Variants in GRM8 observed in about 807,000 individuals in gnomAD.
GRM8 encodes metabotropic glutamate receptor 8.
In GRM8, 47 loss-of-function variants were observed where a neutral mutation model predicts 87.2. That is an observed-to-expected ratio of 0.54 (90% CI 0.43 to 0.69). The LOEUF (loss-of-function observed/expected upper bound fraction) is 0.69. GRM8 is among the 30% of genes least tolerant of loss of function. GRM8 has a pLI of 0.00. For missense variants in GRM8, 1,019 were observed against 1,139.2 expected (o/e 0.89, Z 1.52); for synonymous variants, 396 against 404.5 (o/e 0.98, Z 0.25).
chr7:127,097,469 T>C (rs1187309942), intron 3 of GRM8, among the ~76,000 whole-genome samples: 1 of 152,180 alleles, frequency 6.6e-6, no homozygotes, highest in East Asian at 1.9e-4. Context: ...CTTAGCCACA[T>C]ATAGTTAAGA....
At position 126,460,363 on chromosome 7, in the gene GRM8, G is replaced by T. The variant is rs1159988701; in HGVS notation, c.2431-13991C>A. Among the ~76,000 whole-genome samples, 3 of 151,710 alleles carry T rather than the reference G, an allele frequency of 2.0e-5. No individual in the cohort carries two copies. The East Asian group carries it at 5.9e-4, about 30-fold the overall frequency. Reference sequence around the variant, plus strand: ...CACAAATTGGCACTAAGAGCCCCATGTTGAAGATTCAATTATTTGTGGTAA... The same window carrying T: ...CACAAATTGGCACTAAGAGCCCCATTTTGAAGATTCAATTATTTGTGGTAA... On this transcript the variant is annotated intron_variant, in intron 9 of 10. Coordinates refer to ENST00000339582, the MANE Select transcript of GRM8 (RefSeq NM_000845.3).
At chr7:126,701,097 G>A (rs115666254) in intron 7 of GRM8, among the ~76,000 whole-genome samples, 121 of 151,966 alleles carry the variant, frequency 8.0e-4, no homozygotes, top group Admixed American at 1.8e-3. Flanking sequence ...ACAGTACACT[G>A]GGCAGAGTGC....
At chr7:127,138,775 G>C (rs1828092945) in intron 2 of GRM8, among the ~76,000 whole-genome samples, 1 of 152,080 alleles carries the variant, frequency 6.6e-6, no homozygotes, top group Non-Finnish European at 1.5e-5. Flanking sequence ...GCACTGAAGA[G>C]TACCCAAAAG....
At chr7:127,187,137 A>C (rs1794781246) in intron 2 of GRM8, among the ~76,000 whole-genome samples, 1 of 151,932 alleles carries the variant, frequency 6.6e-6, no homozygotes, top group Non-Finnish European at 1.5e-5. Context: ...TAGATCTCCT[A>C]CTCTAGTTGA....
intron 3 of GRM8, among the ~76,000 whole-genome samples, chr7:127,081,532 GTC>G (rs577187249): frequency 2.0e-5 from 3 of 152,138 alleles, no homozygotes; most frequent in African/African-American, 7.2e-5. Flanking sequence ...GTTAATGCCT[GTC>G]TCTCTCCCAC....
intron 6 of GRM8, among the ~76,000 whole-genome samples, chr7:126,810,482 G>C (rs1793182597): frequency 1.3e-5 from 2 of 152,158 alleles, no homozygotes; most frequent in African/African-American, 4.8e-5. Context: ...AATAGCCACT[G>C]CTGCAAAAAT....
chr7:126,809,355 A>G (rs957172120), intron 6 of GRM8, among the ~76,000 whole-genome samples: 1 of 152,180 alleles, frequency 6.6e-6, no homozygotes, highest in African/African-American at 2.4e-5. Flanking sequence ...GCTTACCACA[A>G]CATTTTACCT....
At chr7:127,042,834 G>A (rs1330363896) in intron 3 of GRM8, among the ~76,000 whole-genome samples, 5 of 152,106 alleles carry the variant, frequency 3.3e-5, no homozygotes, top group South Asian at 2.1e-4. Flanking sequence ...GCAACCTACA[G>A]AATGGGAGAA....
chr7:127,184,880 A>G (rs978227397), intron 2 of GRM8, among the ~76,000 whole-genome samples: 1 of 152,014 alleles, frequency 6.6e-6, no homozygotes, highest in Non-Finnish European at 1.5e-5. Context: ...TACATTTGCA[A>G]TGGCACCCCA....
At chr7:126,670,760 A>C (rs964123002) in intron 7 of GRM8, among the ~76,000 whole-genome samples, 5 of 152,214 alleles carry the variant, frequency 3.3e-5, no homozygotes, top group African/African-American at 1.2e-4. Context: ...AAGCTAAAGC[A>C]AATCTTTTTG....
At chr7:126,629,346 C>T (rs1454022869) in intron 7 of GRM8, among the ~76,000 whole-genome samples, 1 of 152,000 alleles carries the variant, frequency 6.6e-6, no homozygotes, top group Non-Finnish European at 1.5e-5. Context: ...TTTTTTTTCA[C>T]TTTGTACACT....
At chr7:126,917,948 T>C (rs1230177439) in intron 3 of GRM8, among the ~76,000 whole-genome samples, 1 of 152,212 alleles carries the variant, frequency 6.6e-6, no homozygotes, top group Non-Finnish European at 1.5e-5. Flanking sequence ...TCATGGAGCA[T>C]TAACTGAGCT....
chr7:126,843,917 G>T (rs962295400), intron 6 of GRM8, among the ~76,000 whole-genome samples: 3 of 152,142 alleles, frequency 2.0e-5, no homozygotes, highest in Non-Finnish European at 2.9e-5. Context: ...TTATTGATCA[G>T]AAAGTGATAT....
chr7:126,985,031 C>T (rs1563381843), intron 3 of GRM8, among the ~76,000 whole-genome samples: 1 of 151,950 alleles, frequency 6.6e-6, no homozygotes, highest in South Asian at 2.1e-4. Context: ...CACACACACA[C>T]AACACACACA....
intron 3 of GRM8, among the ~76,000 whole-genome samples, chr7:127,105,001 G>A (rs1163560495): frequency 6.6e-6 from 1 of 152,036 alleles, no homozygotes; most frequent in Non-Finnish European, 1.5e-5. Flanking sequence ...GAATGTCCAG[G>A]ATCACTGTGG....
intron 3 of GRM8, among the ~76,000 whole-genome samples, chr7:126,987,492 G>A (rs761116161): frequency 9.3e-5 from 14 of 150,904 alleles, no homozygotes; most frequent in Non-Finnish European, 1.9e-4. Context: ...ACAGAGTCTC[G>A]CTCTCTCGTC....
At chr7:126,816,732 TTGTGTGTGTGTGTG>T (rs3038866) in intron 6 of GRM8, among the ~76,000 whole-genome samples, 2 of 145,826 alleles carry the variant, frequency 1.4e-5, no homozygotes, top group African/African-American at 2.5e-5. Flanking sequence ...GTATATGATT[TTGTGTGTGTGTGTG>T]TGTGTGTGTG....
intron 3 of GRM8, among the ~76,000 whole-genome samples, chr7:126,923,066 G>T (rs2131374067): frequency 6.6e-6 from 1 of 152,280 alleles, no homozygotes; most frequent in African/African-American, 2.4e-5. Context: ...GAGGAAAAAA[G>T]AGTTTAAAGA....
chr7:126,767,549 T>G (rs1278344700), intron 7 of GRM8, among the ~76,000 whole-genome samples: 1 of 152,150 alleles, frequency 6.6e-6, no homozygotes, highest in Admixed American at 6.6e-5. Flanking sequence ...GGTCCCTTTA[T>G]GCTTTGACTG....
Sources: gnomAD v4.1 joint callset for allele counts (sites outside exome capture counted in the v4.1 genomes callset) on GRCh38, gnomAD v4.1.1 for gene constraint, MANE v1.5 for transcripts, NCBI Gene and HGNC (gene_info 2026-07-23, HGNC 2026-07-21) for gene names.